ZNF648: variants seen among roughly 807,000 people sequenced by gnomAD.
ZNF648 encodes zinc finger protein 648.
A neutral mutation model predicts 0.3 loss-of-function variants in ZNF648; 1 was observed. That is an observed-to-expected ratio of 3.90 (90% confidence interval 1.39 to 18.51). ZNF648 has a LOEUF of 18.51. ZNF648 is among the 30% of genes most tolerant of loss of function. The pLI is 0.11. For synonymous variants in ZNF648, 376 were observed against 326.8 expected (o/e 1.15, Z -1.62); for missense variants, 874 against 769.7 (o/e 1.14, Z -1.60).
chr1:182,057,565 T>C lies in ZNF648; in HGVS notation c.446A>G (p.Asp149Gly). 1 of 1,614,204 alleles carries C rather than the reference T, an allele frequency of 6.2e-7. No homozygotes were observed. The highest frequency in any genetic ancestry group is 8.5e-7 in the Non-Finnish European group (1 of 1,180,020). The change falls in exon 2 of 2, where the codon GAT becomes GGT. Residue 149 changes from aspartate (D) to glycine (G), a missense_variant. Asp to Gly is a moderately conservative substitution (Grantham distance 94). Coordinates refer to ENST00000339948, the MANE Select transcript of ZNF648 (RefSeq NM_001009992.1). Reference sequence around the variant, plus strand: ...CTGGTTTGCCCCCGAGTATCCATCATCACCCGCAGGTAGTCGGTCCCCAAG... The same window carrying C: ...CTGGTTTGCCCCCGAGTATCCATCACCACCCGCAGGTAGTCGGTCCCCAAG... ...QPLGDRLPAG[D>G]DGYSGANQDA...
chr1:182,057,123 C>G lies in ZNF648; in HGVS notation c.888G>C (p.Gln296His). 6.2e-7 allele frequency: 1 copy of G among 1,607,466 alleles called. No individual in the cohort carries two copies. The highest frequency in any genetic ancestry group is 8.5e-7 in the Non-Finnish European group (1 of 1,179,766). The change falls in exon 2 of 2, where the codon CAG becomes CAC. Residue 296 changes from glutamine to histidine, a missense_variant. Transcript: ENST00000339948. Reference sequence around the variant, plus strand: ...GCTCGCCCGTGTGCAGGCGCCTGTGCTGCTGGAGTGTGCCGCGGTGGGAGT... The same window carrying G: ...GCTCGCCCGTGTGCAGGCGCCTGTGGTGCTGGAGTGTGCCGCGGTGGGAGT... ...KAYSHRGTLQ[Q>H]HRRLHTGERP...
the ZNF648 span, among the ~76,000 whole-genome samples, chr1:182,068,137 T>C: frequency 0.042 from 6,437 of 152,314 alleles, 275 homozygotes; most frequent in South Asian, 0.22. Context: ...TGGGAATCCC[T>C]TGAACTGAGG....
At chr1:182,065,674 C>G (rs893332926), upstream of ZNF648, among the ~76,000 whole-genome samples, 2 of 152,182 alleles carry the variant, frequency 1.3e-5, no homozygotes, top group African/African-American at 2.4e-5. Context: ...CCTTATCTCC[C>G]TGAGTCACCT....
intron 1 of ZNF648, among the ~76,000 whole-genome samples, chr1:182,059,812 A>G (rs1666002124): frequency 6.6e-6 from 1 of 151,706 alleles, no homozygotes; most frequent in African/African-American, 2.4e-5. Flanking sequence ...TCAAAAAAAA[A>G]AAAAAAGATA....
rs1342955173 is a variant in ZNF648 at position 182,054,585 on chromosome 1, T to G, written c.*1719A>C. ...GGAGTAATCCTTCAGTCTTCAAATATTTTATTGATTATCTAGGAAAAAAAA... is the reference window on the plus strand; with the variant it reads ...GGAGTAATCCTTCAGTCTTCAAATAGTTTATTGATTATCTAGGAAAAAAAA... On this transcript the variant is annotated 3_prime_UTR_variant, in exon 2 of 2. Transcript: ENST00000339948. The G allele has an allele frequency of 2.6e-5, 4 of 152,366 alleles. No individual in the cohort carries two copies. The East Asian group carries it at 7.7e-4, about 29-fold the overall frequency. The allele number at this position is 152,366 out of a possible 1,614,324, so 9.4% of individuals were successfully genotyped here.
At position 182,057,235 on chromosome 1, in the gene ZNF648, AAGGCCCGCCCGCCCCGCAGGCACCTGT is replaced by A; in HGVS notation, c.749_775del (p.Tyr250_Ala258del). Reference sequence around the variant, plus strand: ...GCTCAGCGGCTTGCTGGGCTTCTGAAAGGCCCGCCCGCCCCGCAGGCACCTGTAGGGACGCGCCTCAGCCTCTCCGCC... The same window carrying A: ...GCTCAGCGGCTTGCTGGGCTTCTGAAAGGGACGCGCCTCAGCCTCTCCGCC... On this transcript the variant is annotated inframe_deletion, in exon 2 of 2. Transcript: ENST00000339948. 1 of 1,568,396 alleles carries A rather than the reference AAGGCCCGCCCGCCCCGCAGGCACCTGT, an allele frequency of 6.4e-7. No individual in the cohort carries two copies. The highest frequency in any genetic ancestry group is 8.6e-7 in the Non-Finnish European group (1 of 1,163,852).
At position 182,056,972 on chromosome 1, in the gene ZNF648, A is replaced by G. The variant is rs774387952; in HGVS notation, c.1039T>C (p.Ser347Pro). 6.2e-7 allele frequency: 1 copy of G among 1,613,680 alleles called. No homozygotes were observed. Among genetic ancestry groups the G allele is most frequent in the Non-Finnish European group, 8.5e-7 (1 of 1,179,928 alleles). Residue 347 changes from serine to proline, a missense_variant, in exon 2 of 2, where the codon TCT becomes CCT. By Grantham distance (74) the Ser-to-Pro change is moderately conservative. Coordinates refer to ENST00000339948, the MANE Select transcript of ZNF648 (RefSeq NM_001009992.1). Reference sequence around the variant, plus strand: ...CGCTGGTGTTTGCGCAGGTCCGAAGAGCGCACGAAGGCCTTCCCGCAGTCT... The same window carrying G: ...CGCTGGTGTTTGCGCAGGTCCGAAGGGCGCACGAAGGCCTTCCCGCAGTCT... ...CPDCGKAFVR[S>P]SDLRKHQRNM...
rs1427227568 is a variant in ZNF648, at chr1:182,057,581, G to A, written c.430C>T (p.Arg144Ter). Residue 144 changes from arginine to a stop codon, truncating the protein, a stop_gained, in exon 2 of 2, where the codon CGA (arginine) becomes TGA (stop). Coordinates refer to ENST00000339948, the MANE Select transcript of ZNF648 (RefSeq NM_001009992.1). LOFTEE classifies it low-confidence loss of function (END_TRUNC). ...LLGQMQPLGD[R>*]LPAGDDGYSG... ...TATCCATCATCACCCGCAGGTAGTC[G>A]GTCCCCAAGAGGTTGCATCTGACCT... The A allele has an allele frequency of 2.5e-6, 4 of 1,614,196 alleles. No homozygotes were observed. Among genetic ancestry groups the A allele is most frequent in the Admixed American group, 1.7e-5 (1 of 60,024 alleles).
rs759345587 is a variant in ZNF648, at chr1:182,056,904, G to A, written c.1107C>T (p.Cys369=). 8 of 1,592,750 alleles carry A rather than the reference G, an allele frequency of 5.0e-6. No homozygotes were observed. Among genetic ancestry groups the A allele is most frequent in the South Asian group, 3.4e-5 (3 of 88,820 alleles). Reference sequence around the variant, plus strand: ...ACAGCGGCTTGTTGAAGGTCAGGCCGCACTCGGAGCACGGGAAGGGCTTAT... The same window carrying A: ...ACAGCGGCTTGTTGAAGGTCAGGCCACACTCGGAGCACGGGAAGGGCTTAT... The part of the protein sequence containing the change: ...SNNKPFPCSE[C]GLTFNKPLSL... The change falls in exon 2 of 2, where the codon TGC becomes TGT. Residue 369 remains cysteine (C), a synonymous_variant. Coordinates refer to ENST00000339948, the MANE Select transcript of ZNF648 (RefSeq NM_001009992.1).
In ZNF648 at chr1:182,055,324, G is replaced by C. The variant is rs777884845; in HGVS notation, c.*980C>G. 1 of 152,226 alleles carries C rather than the reference G, an allele frequency of 6.6e-6. No homozygotes were observed. The highest frequency in any genetic ancestry group is 6.5e-5 in the Admixed American group (1 of 15,290). 9.4% of individuals were successfully genotyped at this position (152,226 alleles called of 1,614,324 possible). ...AGCCAATGGCACTTGGGCAAAGGGT[G>C]TTTTGTTCACTTCAAGTCAAGACTA... On this transcript the variant is annotated 3_prime_UTR_variant, in exon 2 of 2. Coordinates refer to ENST00000339948, the MANE Select transcript of ZNF648 (RefSeq NM_001009992.1). The surrounding 1 kb of genome is among the most constrained non-coding windows in gnomAD (Gnocchi z 4.1).
intron 1 of ZNF648, among the ~76,000 whole-genome samples, chr1:182,060,784 G>A (rs1024285027): frequency 3.3e-5 from 5 of 151,672 alleles, no homozygotes; most frequent in Admixed American, 6.6e-5. Context: ...CCCCAGCAGG[G>A]ACAGCAAAGG....
At chr1:182,064,051 A>T (rs1557978636), upstream of ZNF648, 1 of 152,038 alleles carries the variant, frequency 6.6e-6, no homozygotes, top group Admixed American at 6.5e-5. Flanking sequence ...TTTCTGTTTC[A>T]TTGGTCTATG....
chr1:182,060,041 A>G (rs1050393386), intron 1 of ZNF648, among the ~76,000 whole-genome samples: 1 of 152,214 alleles, frequency 6.6e-6, no homozygotes, highest in African/African-American at 2.4e-5. Flanking sequence ...GAGCAGCTGC[A>G]GCATCCTGGG....
chr1:182,058,419 G>A (rs898584362), intron 1 of ZNF648, among the ~76,000 whole-genome samples: 2 of 152,114 alleles, frequency 1.3e-5, no homozygotes, highest in South Asian at 2.1e-4. Flanking sequence ...CTCGATGAGA[G>A]GGTAGGAACC....
Position 182,057,451 on chromosome 1 carries a change from G to C in ZNF648, c.560C>G (p.Ser187Cys), listed in dbSNP as rs186666026. The change falls in exon 2 of 2, where the codon TCT becomes TGT. Residue 187 changes from serine (S) to cysteine (C), a missense_variant. Transcript: ENST00000339948. ...HKSVDTSAGN[S>C]SLLCFPRPGS... is the part of the protein sequence containing the mutation. ...CGGCCTGGGGAAACACAACAGAGAA[G>C]AGTTCCCTGCGGACGTGTCTACACT... 145 of 1,614,232 alleles carry C rather than the reference G, an allele frequency of 9.0e-5. 1 individual carries two copies. The East Asian group carries it at 2.2e-3, about 24-fold the overall frequency.
Position 182,056,589 on chromosome 1 carries a change from C to T in ZNF648, c.1422G>A (p.Arg474=). Residue 474 remains arginine, a synonymous_variant, in exon 2 of 2, where the codon AGG becomes AGA. Transcript: ENST00000339948. ...VRHQRIHTGE[R]PFPCTQCGQA... ...GGCCACACTGCGTGCAAGGAAAGGGCCTCTCGCCAGTGTGGATGCGCTGGT... is the reference window on the plus strand; with the variant it reads ...GGCCACACTGCGTGCAAGGAAAGGGTCTCTCGCCAGTGTGGATGCGCTGGT... 6.2e-7 allele frequency: 1 copy of T among 1,613,902 alleles called. No homozygotes were observed. The highest frequency in any genetic ancestry group is 8.5e-7 in the Non-Finnish European group (1 of 1,179,902).
At position 182,056,618 on chromosome 1, in the gene ZNF648, G is replaced by A. The variant is rs773638855; in HGVS notation, c.1393C>T (p.Arg465Cys). Residue 465 changes from arginine to cysteine, a missense_variant, in exon 2 of 2, where the codon CGC (arginine) becomes TGC (cysteine). Arg to Cys is a radical substitution (Grantham distance 180). Transcript: ENST00000339948. The part of the protein sequence containing the change: ...VAFAQPSRLV[R>C]HQRIHTGERP... ...TCGCCAGTGTGGATGCGCTGGTGGC[G>A]CACGAGGCGCGAGGGCTGCGCGAAG... is the stretch of plus-strand genomic sequence containing the variant. The A allele has an allele frequency of 1.2e-6, 2 of 1,612,170 alleles. No homozygotes were observed. Among genetic ancestry groups the A allele is most frequent in the Middle Eastern group, 1.7e-4 (1 of 6,052 alleles).
Position 182,056,708 on chromosome 1 carries a change from G to A in ZNF648, c.1303C>T (p.Leu435=), listed in dbSNP as rs1224629164. ...GTGTGCAGCGTCTGGTGCTCGGACA[G>A]ATTGGAGGACTTGGTGAAGCACTTG... ...CGKCFTKSSN[L]SEHQTLHTGQ... Residue 435 remains leucine, a synonymous_variant, in exon 2 of 2, where the codon CTG becomes TTG. Transcript: ENST00000339948. 6.3e-7 allele frequency: 1 copy of A among 1,595,652 alleles called. No individual in the cohort carries two copies. Among genetic ancestry groups the A allele is most frequent in the East Asian group, 2.3e-5 (1 of 43,772 alleles).
rs1187654515 is a variant in ZNF648 at position 182,056,621 on chromosome 1, C to A, written c.1390G>T (p.Val464Leu). 1 of 1,611,492 alleles carries A rather than the reference C, an allele frequency of 6.2e-7. No individual in the cohort carries two copies. The highest frequency in any genetic ancestry group is 8.5e-7 in the Non-Finnish European group (1 of 1,179,000). Residue 464 changes from valine to leucine, a missense_variant, in exon 2 of 2, where the codon GTG (valine) becomes TTG (leucine). Transcript: ENST00000339948. ...GVAFAQPSRL[V>L]RHQRIHTGER... ...CCAGTGTGGATGCGCTGGTGGCGCA[C>A]GAGGCGCGAGGGCTGCGCGAAGGCC...
Sources: gnomAD v4.1 joint callset for allele counts (sites outside exome capture counted in the v4.1 genomes callset) on GRCh38, gnomAD v4.1.1 for gene constraint, Gnocchi (gnomAD v3.1) non-coding constraint, MANE v1.5 for transcripts, NCBI Gene and HGNC (gene_info 2026-07-23, HGNC 2026-07-21) for gene names.